MAGI3: variants seen among roughly 807,000 people sequenced by gnomAD.
MAGI3 encodes the protein membrane associated guanylate kinase, WW and PDZ domain containing 3.
Under a neutral mutation model 121.8 loss-of-function variants are expected in MAGI3, and 43 were observed. The ratio of observed to expected loss-of-function variants is 0.35; its 90% confidence interval spans 0.28 to 0.46. The LOEUF is 0.46. Among genes scored for constraint, MAGI3 ranks in the 20% least tolerant of loss-of-function variants. The pLI is 1.00. For missense variants in MAGI3, 1,547 were observed against 1,797.3 expected, an observed-to-expected ratio of 0.86 and a Z score of 2.52; for synonymous variants, 553 against 639.3, an observed-to-expected ratio of 0.86 and a Z score of 2.04.
intron 1 of MAGI3, among the ~76,000 whole-genome samples, chr1:113,406,278 GAAAAAAA>G (rs764250269): frequency 1.3e-5 from 1 of 74,522 alleles, no homozygotes; most frequent in African/African-American, 4.9e-5. Flanking sequence ...TTTGTCTACA[GAAAAAAA>G]AAAAAAAAAA....
At chr1:113,450,548 T>G in intron 1 of MAGI3, 15 of 1,024,710 alleles carry the variant, frequency 1.5e-5, no homozygotes, top group Non-Finnish European at 2.3e-5. Flanking sequence ...AGGAGGAAAT[T>G]TTGGCGGTGG....
At chr1:113,536,159 T>TAAAA (rs71090707) in intron 1 of MAGI3, among the ~76,000 whole-genome samples, 1,755 of 147,662 alleles carry the variant, frequency 0.012, 38 homozygotes, top group African/African-American at 0.039. Flanking sequence ...TTTTTTTTTT[T>TAAAA]AAAAAAATTT....
chr1:113,574,979 G>T (rs985308283), intron 2 of MAGI3, among the ~76,000 whole-genome samples: 1 of 151,892 alleles, frequency 6.6e-6, no homozygotes, highest in Non-Finnish European at 1.5e-5. Flanking sequence ...TGATTGATTT[G>T]CTTATTGATA....
At chr1:113,676,438 G>A (rs1422153178) in intron 19 of MAGI3, among the ~76,000 whole-genome samples, 3 of 152,142 alleles carry the variant, frequency 2.0e-5, no homozygotes, top group Non-Finnish European at 4.4e-5. Flanking sequence ...TGAATGAGCA[G>A]AAACTTTAGA....
At chr1:113,573,487 C>G (rs1180117172) in intron 2 of MAGI3, among the ~76,000 whole-genome samples, 1 of 152,134 alleles carries the variant, frequency 6.6e-6, no homozygotes, top group Non-Finnish European at 1.5e-5. Flanking sequence ...TTTTCAGTTT[C>G]TAAGTAGTTG....
In MAGI3 at chr1:113,658,906, GAGA is replaced by G. The variant is rs1319099747; in HGVS notation, c.2630-171_2630-169del. ...AGTATTTATGCATGTGGGCAAAAGT[GAGA>G]AGTATGAAAATAGTTCCGTTTGGAT... On this transcript the variant is annotated intron_variant, in intron 15 of 20. Transcript: ENST00000307546. This position sits in a 1 kb window ranked among gnomAD's most constrained non-coding sequence, Gnocchi z 4.0. 1.3e-5 allele frequency among the ~76,000 whole-genome samples: 2 copies of G among 152,216 alleles called. No homozygotes were observed. The highest frequency in any genetic ancestry group is 4.8e-5 in the African/African-American group (2 of 41,468).
intron 1 of MAGI3, among the ~76,000 whole-genome samples, chr1:113,540,786 A>T (rs1259030972): frequency 6.6e-6 from 1 of 152,246 alleles, no homozygotes; most frequent in Non-Finnish European, 1.5e-5. Flanking sequence ...TAAATACATC[A>T]TACACAGAAA....
chr1:113,598,275 G>T (rs2101747209), intron 6 of MAGI3, among the ~76,000 whole-genome samples: 1 of 122,652 alleles, frequency 8.2e-6, no homozygotes, highest in African/African-American at 3.1e-5. Flanking sequence ...GCACAGTAAA[G>T]AAAACAAAGT....
chr1:113,514,712 A>C (rs1657799950), intron 1 of MAGI3, among the ~76,000 whole-genome samples: 1 of 152,164 alleles, frequency 6.6e-6, no homozygotes, highest in Non-Finnish European at 1.5e-5. Context: ...CCAGCATGGC[A>C]CATGTATACA....
chr1:113,639,350 G>A (rs1028160701), intron 9 of MAGI3, among the ~76,000 whole-genome samples: 10 of 152,188 alleles, frequency 6.6e-5, no homozygotes, highest in African/African-American at 9.7e-5. Flanking sequence ...ACTGTAGACC[G>A]GAGCTGTTCC....
intron 19 of MAGI3, among the ~76,000 whole-genome samples, chr1:113,678,581 A>G (rs1393143333): frequency 1.3e-5 from 2 of 152,216 alleles, no homozygotes; most frequent in African/African-American, 2.4e-5. Flanking sequence ...AGTTGACTTG[A>G]ATTTTTTTGC....
chr1:113,624,636 A>G (rs771865697), intron 9 of MAGI3, among the ~76,000 whole-genome samples: 1 of 152,148 alleles, frequency 6.6e-6, no homozygotes, highest in Non-Finnish European at 1.5e-5. Context: ...ATAGTTTGCA[A>G]AGATTTTCTC....
chr1:113,622,153 T>G (rs977505189), intron 8 of MAGI3, among the ~76,000 whole-genome samples: 1 of 152,174 alleles, frequency 6.6e-6, no homozygotes, highest in Non-Finnish European at 1.5e-5. Flanking sequence ...ATTTAAAATC[T>G]TTTTTACAGT....
In MAGI3 at chr1:113,584,966, C is replaced by CAATTTTTTTTTTTTTTTTTT. The variant is rs61622151; in HGVS notation, c.554-421_554-420insAATTTTTTTTTTTTTTTTTT. Among the ~76,000 whole-genome samples, 4 of 110,730 alleles carry CAATTTTTTTTTTTTTTTTTT rather than the reference C, an allele frequency of 3.6e-5. 1 individual carries two copies. Among genetic ancestry groups the CAATTTTTTTTTTTTTTTTTT allele is most frequent in the Non-Finnish European group, 5.4e-5 (3 of 55,700 alleles). 72.6% of individuals were successfully genotyped at this position (110,730 alleles called of 152,430 possible). ...TCCTTTTGGCCAATGGTAGATATTT[C>CAATTTTTTTTTTTTTTTTTT]CTTTTTTTTTTTTTTTTTTTTTTGA... On this transcript the variant is annotated intron_variant, in intron 3 of 20. Coordinates refer to ENST00000307546, the MANE Select transcript of MAGI3 (RefSeq NM_001142782.2).
intron 7 of MAGI3, among the ~76,000 whole-genome samples, chr1:113,615,297 T>G (rs1487512159): frequency 6.6e-6 from 1 of 152,188 alleles, no homozygotes; most frequent in Non-Finnish European, 1.5e-5. Flanking sequence ...TGCTACAATG[T>G]TATGACCATT....
At chr1:113,482,991 A>C (rs1429591571) in intron 1 of MAGI3, among the ~76,000 whole-genome samples, 1 of 152,028 alleles carries the variant, frequency 6.6e-6, no homozygotes, top group Non-Finnish European at 1.5e-5. Context: ...TGTATTTTGT[A>C]GAGATAGGGT....
At chr1:113,521,196 C>T (rs1273623555) in intron 1 of MAGI3, among the ~76,000 whole-genome samples, 2 of 150,956 alleles carry the variant, frequency 1.3e-5, no homozygotes, top group African/African-American at 2.4e-5. Context: ...AAGCGATTCT[C>T]CTGCCTCAGC....
At chr1:113,416,007 TATATTAATTATGTAATTAATGACAC>T (rs1393419597) in intron 1 of MAGI3, among the ~76,000 whole-genome samples, 1 of 86,420 alleles carries the variant, frequency 1.2e-5, no homozygotes, top group African/African-American at 3.7e-5. Context: ...ATTAATTACA[TATATTAATTATGTAATTAATGACAC>T]ATATTAATTA....
At chr1:113,398,104 C>T (rs750071533) in intron 1 of MAGI3, among the ~76,000 whole-genome samples, 46 of 152,098 alleles carry the variant, frequency 3.0e-4, no homozygotes, top group Admixed American at 9.2e-4. Context: ...ACCCACTTAC[C>T]TGCAGCCCCC....
Sources: gnomAD v4.1 joint callset for allele counts (sites outside exome capture counted in the v4.1 genomes callset) on GRCh38, gnomAD v4.1.1 for gene constraint, Gnocchi (gnomAD v3.1) non-coding constraint, MANE v1.5 for transcripts, NCBI Gene and HGNC (gene_info 2026-07-23, HGNC 2026-07-21) for gene names.